The following LBP variants were observed in gnomAD, a reference collection of about 807,000 sequenced individuals.
LBP encodes lipopolysaccharide binding protein, also known as lipopolysaccharide-binding protein.
A neutral mutation model predicts 56.6 loss-of-function variants in LBP; 53 were observed. The ratio of observed to expected loss-of-function variants is 0.94; its 90% CI spans 0.75 to 1.18. The LOEUF (loss-of-function observed/expected upper bound fraction) is 1.18. Among genes scored for constraint, LBP ranks in the 50% most tolerant of loss-of-function variants. The pLI is 0.00. For missense variants in LBP, 601 were observed against 598.3 expected, an observed-to-expected ratio of 1.00 and a Z score of -0.05; for synonymous variants, 227 against 247.5, an observed-to-expected ratio of 0.92 and a Z score of 0.78.
chr20:38,374,851 T>G (rs1600732385), intron 14 of LBP, among the ~76,000 whole-genome samples: 3 of 150,540 alleles, frequency 2.0e-5, no homozygotes, highest in Admixed American at 1.3e-4. Flanking sequence ...TGGTGCGATC[T>G]TGGCTTACTG....
rs1357017105 is a variant in LBP at position 38,371,328 on chromosome 20, T to A, written c.1260+6T>A. On this transcript the variant is annotated splice_donor_region_variant and intron_variant, in intron 12 of 14. Coordinates refer to ENST00000217407, the MANE Select transcript of LBP (RefSeq NM_004139.5). ...CCAAAGTTGGACTATTCAATGTAAGTTGTTTTTATTGATGACATGATTAGA... is the reference window on the plus strand; with the variant it reads ...CCAAAGTTGGACTATTCAATGTAAGATGTTTTTATTGATGACATGATTAGA... 6.3e-7 allele frequency: 1 copy of A among 1,587,856 alleles called. No homozygotes were observed. Among genetic ancestry groups the A allele is most frequent in the Admixed American group, 1.7e-5 (1 of 59,708 alleles).
intron 8 of LBP, among the ~76,000 whole-genome samples, 198 bp from the exon 9 acceptor site, chr20:38,366,571 C>G (rs1418429064): frequency 1.3e-5 from 2 of 152,192 alleles, no homozygotes; most frequent in Non-Finnish European, 2.9e-5. Flanking sequence ...TCAGCTGCCC[C>G]CCGGGGAGAG....
At chr20:38,362,415 C>T (rs537995065) in intron 6 of LBP, among the ~76,000 whole-genome samples, 8 of 148,448 alleles carry the variant, frequency 5.4e-5, no homozygotes, top group African/African-American at 2.0e-4. Flanking sequence ...GAGTTCGAGA[C>T]CAGCCCAGTC....
chr20:38,373,931 C>T lies in LBP; in HGVS notation c.1325-6C>T, dbSNP rs191502467. ...ATCTCTTTCAATGTTGTGCTTCAAC[C>T]TCTAGATAAGTTGGCCGAAGGCTTC... On this transcript the variant is annotated splice_polypyrimidine_tract_variant and splice_region_variant and intron_variant, in intron 13 of 14. Transcript: ENST00000217407. 3 of 1,613,602 alleles carry T rather than the reference C, an allele frequency of 1.9e-6. No homozygotes were observed. The highest frequency in any genetic ancestry group is 1.7e-5 in the Admixed American group (1 of 60,014).
chr20:38,366,730 G>A lies in LBP; in HGVS notation c.922-39G>A, dbSNP rs73287213. On this transcript the variant is annotated intron_variant, in intron 8 of 14. Transcript: ENST00000217407. The stretch of plus-strand genomic sequence containing the variant: ...TCTTCTTTAGACCTTCAGCTCCAGC[G>A]GGAGCACCCTAAAACTTCTTCATGT... The A allele has an allele frequency of 9.4e-4, 1,503 of 1,590,752 alleles. 14 individuals are homozygous for A. In the African/African-American group the frequency reaches 0.018, roughly 19 times the overall value.
rs754018093 is a variant in LBP at position 38,364,096 on chromosome 20, T to C, written c.744+30T>C. On this transcript the variant is annotated intron_variant, in intron 7 of 14. Coordinates refer to ENST00000217407, the MANE Select transcript of LBP (RefSeq NM_004139.5). Reference sequence around the variant, plus strand: ...GGGTCCTGGGGCCGGGCTGCGTGGGTGAGGCTTTCCCTCAGGGTCAGCCAT... The same window carrying C: ...GGGTCCTGGGGCCGGGCTGCGTGGGCGAGGCTTTCCCTCAGGGTCAGCCAT... 4.0e-6 allele frequency: 6 copies of C among 1,487,574 alleles called. No homozygotes were observed. In the South Asian group the frequency reaches 6.8e-5, roughly 17 times the overall value. 92.1% of individuals were successfully genotyped at this position (1,487,574 alleles called of 1,614,324 possible).
chr20:38,351,521 G>A (rs2076820514), intron 3 of LBP, among the ~76,000 whole-genome samples: 1 of 152,192 alleles, frequency 6.6e-6, no homozygotes, highest in Non-Finnish European at 1.5e-5. Context: ...GCACTTGGAT[G>A]GAAGGGGTAT....
chr20:38,350,786 C>T (rs1249879492), intron 2 of LBP, 25 bp from the exon 3 acceptor site: 3 of 1,591,120 alleles, frequency 1.9e-6, no homozygotes, highest in African/African-American at 2.7e-5. Flanking sequence ...AGGGCTGACA[C>T]CTCCTTCCAT....
chr20:38,358,312 T>C (rs934225524), intron 5 of LBP, among the ~76,000 whole-genome samples: 1 of 152,198 alleles, frequency 6.6e-6, no homozygotes, highest in Non-Finnish European at 1.5e-5. Flanking sequence ...TTTACCTGGC[T>C]TTCCTGCTGC....
Position 38,368,977 on chromosome 20 carries a change from T to G in LBP, c.982-18T>G. 1 of 1,612,838 alleles carries G rather than the reference T, an allele frequency of 6.2e-7. No homozygotes were observed. The highest frequency in any genetic ancestry group is 8.5e-7 in the Non-Finnish European group (1 of 1,178,862). On this transcript the variant is annotated intron_variant, in intron 9 of 14. Transcript: ENST00000217407. The stretch of plus-strand genomic sequence containing the variant: ...TATATTTTCTTCTCTTGATGTAATC[T>G]CCTAATTCTGCTCCCAGTTAGCCAG...
At chr20:38,354,239 ACC>A (rs745642981) in intron 3 of LBP, 43 bp from the exon 4 acceptor site, 1 of 1,554,986 alleles carries the variant, frequency 6.4e-7, no homozygotes, top group Non-Finnish European at 8.7e-7. Context: ...ATGGTGGCAG[ACC>A]CCTGGTCTAG....
At chr20:38,373,343 G>T (rs1242019561) in intron 13 of LBP, among the ~76,000 whole-genome samples, 1 of 152,136 alleles carries the variant, frequency 6.6e-6, no homozygotes, top group African/African-American at 2.4e-5. Flanking sequence ...TGGGGGCTGG[G>T]ACAGCTCTTT....
At chr20:38,362,476 C>T (rs1368754937) in intron 6 of LBP, among the ~76,000 whole-genome samples, 4 of 149,678 alleles carry the variant, frequency 2.7e-5, no homozygotes, top group East Asian at 2.0e-4. Context: ...AGCCAGGTGC[C>T]GTGGTGGATG....
At chr20:38,362,940 C>T (rs2076866571) in intron 6 of LBP, among the ~76,000 whole-genome samples, 1 of 152,132 alleles carries the variant, frequency 6.6e-6, no homozygotes, top group African/African-American at 2.4e-5. Context: ...AGAGTGAGAT[C>T]CTATCTCAAA....
intron 3 of LBP, among the ~76,000 whole-genome samples, chr20:38,353,569 G>A (rs1177104098): frequency 5.8e-5 from 8 of 137,518 alleles, no homozygotes; most frequent in African/African-American, 1.9e-4. Flanking sequence ...GGCAGGAAGA[G>A]CTACGGGATA....
Position 38,350,926 on chromosome 20 carries a change from C to A in LBP, c.355C>A (p.Arg119Ser), listed in dbSNP as rs149622127. 398 of 1,613,548 alleles carry A rather than the reference C, an allele frequency of 2.5e-4. 1 individual carries two copies. The highest frequency in any genetic ancestry group is 3.1e-4 in the Non-Finnish European group (368 of 1,179,726). The part of the protein sequence containing the change: ...SIRVQGRWKV[R>S]KSFFKLQGSF... Reference sequence around the variant, plus strand: ...CCGGGTCCAGGGCAGGTGGAAGGTGCGCAAGTCATTCTTGTAAGTTGGCTC... The same window carrying A: ...CCGGGTCCAGGGCAGGTGGAAGGTGAGCAAGTCATTCTTGTAAGTTGGCTC... The change falls in exon 3 of 15, where the codon CGC (arginine) becomes AGC (serine). Residue 119 changes from arginine (R) to serine (S), a missense_variant. Transcript: ENST00000217407.
chr20:38,353,561 C>T lies in LBP; in HGVS notation c.369-723C>T, dbSNP rs1381970285. ...GCCCCACACCACGCGTATATCTTGG[C>T]AGGAAGAGCTACGGGATAAAGGCTT... On this transcript the variant is annotated intron_variant, in intron 3 of 14. Coordinates refer to ENST00000217407, the MANE Select transcript of LBP (RefSeq NM_004139.5). 3.1e-5 allele frequency among the ~76,000 whole-genome samples: 4 copies of T among 129,230 alleles called. No individual in the cohort carries two copies. The East Asian group carries it at 7.5e-4, about 24-fold the overall frequency. The allele number at this position is 129,230 out of a possible 152,430, so 84.8% of individuals were successfully genotyped here. A position where few individuals can be genotyped will look rare whatever the true frequency, so the allele number is the denominator to read the frequency against.
intron 3 of LBP, 136 bp downstream of exon 3, chr20:38,351,075 G>C: frequency 9.0e-7 from 1 of 1,114,634 alleles, no homozygotes; most frequent in South Asian, 1.6e-5. Flanking sequence ...GAGGTGGCCT[G>C]GGGATTGAGT....
chr20:38,366,692 C>T, intron 8 of LBP, 77 bp from the exon 9 acceptor site: 4 of 1,344,594 alleles, frequency 3.0e-6, no homozygotes, highest in Non-Finnish European at 4.3e-6. Context: ...TGCACATCCC[C>T]CTGTCTCCCC....
Sources: gnomAD v4.1 joint callset for allele counts (sites outside exome capture counted in the v4.1 genomes callset) on GRCh38, gnomAD v4.1.1 for gene constraint, MANE v1.5 for transcripts, NCBI Gene and HGNC (gene_info 2026-07-23, HGNC 2026-07-21) for gene names.